The following UBA6 variants were observed in gnomAD, a reference collection of about 807,000 sequenced individuals.
The protein encoded by UBA6 is ubiquitin-like modifier-activating enzyme 6.
UBA6 carries 87 observed loss-of-function variants against 148.3 expected under a neutral mutation model. That is an observed-to-expected ratio of 0.59 (90% CI 0.49 to 0.70). The LOEUF (loss-of-function observed/expected upper bound fraction) is 0.70, where lower values mean the gene tolerates loss of function less well. Ranked by LOEUF, UBA6 falls within the 30% of genes least tolerant of loss-of-function variation. The pLI is 0.00. For synonymous variants in UBA6, 376 were observed against 401.0 expected (o/e 0.94, Z 0.75); for missense variants, 1,186 against 1,241.2 (o/e 0.96, Z 0.67).
At chr4:67,667,337 T>C (rs924048347) in intron 9 of UBA6, among the ~76,000 whole-genome samples, 5 of 152,188 alleles carry the variant, frequency 3.3e-5, no homozygotes, top group African/African-American at 1.2e-4. Flanking sequence ...AAATGATTAA[T>C]TTTAATAAAA....
intron 6 of UBA6, among the ~76,000 whole-genome samples, 183 bp from the exon 7 acceptor site, chr4:67,673,960 T>TA (rs1234719987): frequency 6.6e-6 from 1 of 152,118 alleles, no homozygotes; most frequent in Admixed American, 6.5e-5. Flanking sequence ...GTAACAGAAG[T>TA]AAAAATAACA....
chr4:67,665,324 A>G (rs768663118), intron 9 of UBA6, 32 bp from the exon 10 acceptor site: 36 of 1,287,938 alleles, frequency 2.8e-5, no homozygotes, highest in Non-Finnish European at 3.8e-5. Flanking sequence ...AAATCATTAC[A>G]CAGGGATATA....
At position 67,688,031 on chromosome 4, in the gene UBA6, G is replaced by A. The variant is rs547552473; in HGVS notation, c.135-5818C>T. On this transcript the variant is annotated intron_variant, in intron 2 of 32. Coordinates refer to ENST00000322244, the MANE Select transcript of UBA6 (RefSeq NM_018227.6). ...GCAAATTCAAAAAGACTGGTATTCCGGAAGCTAGAGGAAAGCGTTTCCTCT... is the reference window on the plus strand; with the variant it reads ...GCAAATTCAAAAAGACTGGTATTCCAGAAGCTAGAGGAAAGCGTTTCCTCT... Among the ~76,000 whole-genome samples the A allele has an allele frequency of 5.3e-5, 8 of 152,242 alleles. No individual in the cohort carries two copies. In the South Asian group the frequency reaches 6.2e-4, roughly 12 times the overall value.
chr4:67,624,267 G>A lies in UBA6; in HGVS notation c.2713-14C>T. 6.3e-7 allele frequency: 1 copy of A among 1,587,882 alleles called. No homozygotes were observed. Among genetic ancestry groups the A allele is most frequent in the East Asian group, 2.3e-5 (1 of 44,386 alleles). ...CTCCAAGGCAACCTAGATAAAAGAA[G>A]GTGATCTGATAATATAAACAGCCTA... On this transcript the variant is annotated splice_polypyrimidine_tract_variant and intron_variant, in intron 29 of 32. Transcript: ENST00000322244.
At chr4:67,690,775 C>G (rs1254565050) in intron 2 of UBA6, among the ~76,000 whole-genome samples, 2 of 151,746 alleles carry the variant, frequency 1.3e-5, no homozygotes, top group African/African-American at 4.8e-5. Context: ...CATTATAAAA[C>G]AAAACAAAAC....
intron 2 of UBA6, among the ~76,000 whole-genome samples, chr4:67,693,672 T>C (rs1730752136): frequency 6.6e-6 from 1 of 152,176 alleles, no homozygotes; most frequent in African/African-American, 2.4e-5. Flanking sequence ...AGCTATAGTA[T>C]TTGGACTTGT....
intron 4 of UBA6, among the ~76,000 whole-genome samples, chr4:67,680,692 T>C (rs982379684): frequency 6.6e-6 from 1 of 152,184 alleles, no homozygotes; most frequent in African/African-American, 2.4e-5. Context: ...TAGGCTTTCG[T>C]GTGATCTCCC....
At chr4:67,660,189 G>A (rs527500458) in intron 13 of UBA6, among the ~76,000 whole-genome samples, 1 of 152,150 alleles carries the variant, frequency 6.6e-6, no homozygotes, top group Non-Finnish European at 1.5e-5. Context: ...CAATAGAAAA[G>A]AAAAATCCAT....
At chr4:67,679,749 G>A (rs536051223) in intron 4 of UBA6, among the ~76,000 whole-genome samples, 194 of 152,040 alleles carry the variant, frequency 1.3e-3, no homozygotes, top group African/African-American at 4.3e-3. Flanking sequence ...ATAATCCAAA[G>A]TAAAAATTAG....
intron 19 of UBA6, chr4:67,638,178 C>G (rs1448398303): frequency 6.6e-6 from 1 of 152,542 alleles, no homozygotes. Context: ...CAGGTCAGAG[C>G]TGCTGCGGGT....
At chr4:67,677,206 G>A (rs181593019) in intron 6 of UBA6, among the ~76,000 whole-genome samples, 1 of 152,290 alleles carries the variant, frequency 6.6e-6, no homozygotes, top group Non-Finnish European at 1.5e-5. Context: ...CTACTACCAT[G>A]AGAACATGAC....
At chr4:67,664,638 T>C (rs1467736990) in intron 10 of UBA6, among the ~76,000 whole-genome samples, 1 of 152,152 alleles carries the variant, frequency 6.6e-6, no homozygotes, top group African/African-American at 2.4e-5. Flanking sequence ...CCACATTCTC[T>C]ATATTCAGCT....
chr4:67,646,731 G>T lies in UBA6; in HGVS notation c.1309C>A (p.Leu437Ile). Residue 437 changes from leucine to isoleucine, a missense_variant, in exon 15 of 33, where the codon CTC becomes ATC. Transcript: ENST00000322244. ...SLGKPECEEF[L>I]PRGDRYDALR... ...GAGAAATTTCATTATTACCGTGGGA[G>T]AAATTCTTCACATTCAGGTTTGCCT... 6.2e-7 allele frequency: 1 copy of T among 1,603,488 alleles called. No homozygotes were observed. The highest frequency in any genetic ancestry group is 8.5e-7 in the Non-Finnish European group (1 of 1,175,196).
rs376193377 is a variant in UBA6, at chr4:67,663,228, T to C, written c.961-13A>G. 5 of 1,594,598 alleles carry C rather than the reference T, an allele frequency of 3.1e-6. No homozygotes were observed. Among genetic ancestry groups the C allele is most frequent in the East Asian group, 2.2e-5 (1 of 44,560 alleles). On this transcript the variant is annotated splice_polypyrimidine_tract_variant and intron_variant, in intron 11 of 32. Coordinates refer to ENST00000322244, the MANE Select transcript of UBA6 (RefSeq NM_018227.6). ...TCTCTAAAGGTGCCTATTGAGAACA[T>C]TAAAAATCGGCCAACATTTACTGAG...
At chr4:67,677,822 C>T (rs577248360) in intron 5 of UBA6, 100 bp from the exon 6 acceptor site, 19 of 557,416 alleles carry the variant, frequency 3.4e-5, no homozygotes, top group African/African-American at 5.9e-5. Context: ...TGACATGTTA[C>T]AAAATTTCAA....
chr4:67,695,227 C>T (rs941613793), intron 2 of UBA6, among the ~76,000 whole-genome samples: 1 of 152,140 alleles, frequency 6.6e-6, no homozygotes, highest in Admixed American at 6.5e-5. Flanking sequence ...GATTAAGAAT[C>T]CCAACGTAAG....
chr4:67,652,881 C>T (rs925795904), intron 13 of UBA6, among the ~76,000 whole-genome samples: 3 of 152,256 alleles, frequency 2.0e-5, no homozygotes, highest in African/African-American at 7.2e-5. Context: ...CTCTCCTGTG[C>T]CTGGCTTGGT....
At chr4:67,663,033 T>C (rs1729902885) in intron 12 of UBA6, 106 bp downstream of exon 12, 1 of 706,468 alleles carries the variant, frequency 1.4e-6, no homozygotes, top group Non-Finnish European at 2.3e-6. Flanking sequence ...TTGGTATATC[T>C]ATTGGTATTG....
chr4:67,671,790 C>CA (rs1311107843), intron 7 of UBA6, among the ~76,000 whole-genome samples: 1 of 152,118 alleles, frequency 6.6e-6, no homozygotes, highest in Non-Finnish European at 1.5e-5. Flanking sequence ...ACCCCAAAAA[C>CA]AAACGAGATG....
Sources: gnomAD v4.1 joint callset for allele counts (sites outside exome capture counted in the v4.1 genomes callset) on GRCh38, gnomAD v4.1.1 for gene constraint, MANE v1.5 for transcripts, NCBI Gene and HGNC (gene_info 2026-07-23, HGNC 2026-07-21) for gene names.